CNTNAP5: variants seen among roughly 807,000 people sequenced by gnomAD.
CNTNAP5 encodes the protein contactin-associated protein-like 5.
CNTNAP5 carries 72 observed loss-of-function variants against 150.2 expected under a neutral mutation model. The ratio of observed to expected loss-of-function variants is 0.48; its 90% CI spans 0.40 to 0.58. The LOEUF is 0.58. Among genes scored for constraint, CNTNAP5 ranks in the 20% least tolerant of loss-of-function variants. The probability of loss-of-function intolerance (pLI) is 0.00; values close to 1 mark genes in which losing one functional copy is unlikely to be tolerated. For synonymous variants in CNTNAP5, 672 were observed against 619.8 expected (o/e 1.08, Z -1.25); for missense variants, 1,636 against 1,626.2 (o/e 1.01, Z -0.10).
At chr2:124,765,895 G>A (rs77025257) in intron 16 of CNTNAP5, among the ~76,000 whole-genome samples, 1 of 151,924 alleles carries the variant, frequency 6.6e-6, no homozygotes, top group Non-Finnish European at 1.5e-5. Context: ...GGCAGAGGTT[G>A]CAGTAAGCCA....
intron 4 of CNTNAP5, among the ~76,000 whole-genome samples, chr2:124,429,206 A>G (rs1692311062): frequency 6.6e-6 from 1 of 152,152 alleles, no homozygotes; most frequent in South Asian, 2.1e-4. Flanking sequence ...TTTCCAAGTG[A>G]AGTTGGGAGT....
intron 10 of CNTNAP5, among the ~76,000 whole-genome samples, chr2:124,536,769 G>A (rs1003571539): frequency 6.6e-6 from 1 of 152,062 alleles, no homozygotes; most frequent in Non-Finnish European, 1.5e-5. Context: ...TTGGATTTAC[G>A]GGGGTCAAGG....
intron 13 of CNTNAP5, among the ~76,000 whole-genome samples, chr2:124,674,577 T>C (rs1444094338): frequency 1.3e-5 from 2 of 149,722 alleles, no homozygotes; most frequent in Admixed American, 6.7e-5. Context: ...CTTTCTTTCT[T>C]TTCATCTCCT....
intron 19 of CNTNAP5, among the ~76,000 whole-genome samples, chr2:124,851,621 C>A (rs1250901603): frequency 6.6e-6 from 1 of 152,054 alleles, no homozygotes; most frequent in South Asian, 2.1e-4. Context: ...GGGGGCGGGA[C>A]TTTGTGGTTC....
At chr2:124,612,275 TG>T (rs1437704566) in intron 12 of CNTNAP5, among the ~76,000 whole-genome samples, 2 of 152,168 alleles carry the variant, frequency 1.3e-5, no homozygotes, top group Admixed American at 1.3e-4. Context: ...TGTGTGTTTT[TG>T]CTATGAATGT....
intron 1 of CNTNAP5, among the ~76,000 whole-genome samples, chr2:124,112,566 T>C (rs1344680818): frequency 6.6e-6 from 1 of 152,212 alleles, no homozygotes; most frequent in Non-Finnish European, 1.5e-5. Context: ...TTTTAATCTT[T>C]ATAAAATTTT....
In CNTNAP5 at chr2:124,665,275, T is replaced by A. The variant is rs1004116108; in HGVS notation, c.2077+17317T>A. On this transcript the variant is annotated intron_variant, in intron 13 of 23. Coordinates refer to ENST00000682447, the MANE Select transcript of CNTNAP5 (RefSeq NM_001367498.1). Reference sequence around the variant, plus strand: ...AATCCATCAGACCTCTGAAGTACTATGAACTATTTTTAAATTTGTAACTCT... The same window carrying A: ...AATCCATCAGACCTCTGAAGTACTAAGAACTATTTTTAAATTTGTAACTCT... Among the ~76,000 whole-genome samples the A allele has an allele frequency of 5.3e-5, 8 of 152,218 alleles. No individual in the cohort carries two copies. In the East Asian group the frequency reaches 1.5e-3, roughly 29 times the overall value.
intron 1 of CNTNAP5, among the ~76,000 whole-genome samples, chr2:124,178,475 A>C (rs1391195003): frequency 6.6e-6 from 1 of 152,220 alleles, no homozygotes; most frequent in Non-Finnish European, 1.5e-5. Context: ...AACCAACCTG[A>C]TCAAAATTTG....
intron 1 of CNTNAP5, among the ~76,000 whole-genome samples, chr2:124,097,320 T>C (rs1030148861): frequency 2.6e-5 from 4 of 152,182 alleles, no homozygotes; most frequent in African/African-American, 9.6e-5. Context: ...ACTGTCACAC[T>C]ATCCTACCCC....
intron 10 of CNTNAP5, among the ~76,000 whole-genome samples, chr2:124,538,803 G>C (rs1398760529): frequency 6.6e-6 from 1 of 152,166 alleles, no homozygotes; most frequent in Non-Finnish European, 1.5e-5. Flanking sequence ...ATGTGAAGCA[G>C]AGAACATTCA....
chr2:124,327,314 A>C (rs1406390779), intron 3 of CNTNAP5, among the ~76,000 whole-genome samples: 1 of 152,030 alleles, frequency 6.6e-6, no homozygotes, highest in Non-Finnish European at 1.5e-5. Context: ...AAAACTAAAA[A>C]ACTGAAAAGA....
rs976360957 is a variant in CNTNAP5, at chr2:124,208,285, A to G, written c.83-13420A>G. On this transcript the variant is annotated intron_variant, in intron 1 of 23. Coordinates refer to ENST00000682447, the MANE Select transcript of CNTNAP5 (RefSeq NM_001367498.1). The stretch of plus-strand genomic sequence containing the variant: ...CTGACATGCAAACTTTCTCCAGTGT[A>G]CAGTTTTAACAAATGGCACACCACA... 6.6e-5 allele frequency among the ~76,000 whole-genome samples: 10 copies of G among 152,320 alleles called. No homozygotes were observed. The East Asian group carries it at 1.5e-3, about 24-fold the overall frequency.
intron 1 of CNTNAP5, among the ~76,000 whole-genome samples, chr2:124,049,482 C>G (rs573965082): frequency 6.6e-6 from 1 of 152,184 alleles, no homozygotes; most frequent in South Asian, 2.1e-4. Flanking sequence ...GTATACAGAA[C>G]TATATTTTTT....
chr2:124,089,992 A>C (rs1682777228), intron 1 of CNTNAP5, among the ~76,000 whole-genome samples: 1 of 152,222 alleles, frequency 6.6e-6, no homozygotes, highest in South Asian at 2.1e-4. Context: ...TCTTTCCCCC[A>C]CGGAGTGGGA....
At chr2:124,179,004 G>A (rs1685137475) in intron 1 of CNTNAP5, among the ~76,000 whole-genome samples, 1 of 151,338 alleles carries the variant, frequency 6.6e-6, no homozygotes, top group Admixed American at 6.6e-5. Context: ...CCAGGCTGGA[G>A]TGCATTGCAT....
intron 1 of CNTNAP5, among the ~76,000 whole-genome samples, chr2:124,074,105 A>G (rs575764212): frequency 6.6e-6 from 1 of 152,262 alleles, no homozygotes; most frequent in East Asian, 1.9e-4. Flanking sequence ...CAGACTTTGC[A>G]TATTTTCACT....
intron 6 of CNTNAP5, among the ~76,000 whole-genome samples, chr2:124,467,918 T>G (rs1281223217): frequency 6.6e-6 from 1 of 152,172 alleles, no homozygotes; most frequent in Non-Finnish European, 1.5e-5. Flanking sequence ...TTAATGATTA[T>G]TTAAAAAGTA....
rs796401662 is a variant in CNTNAP5, at chr2:124,833,821, T to C, written c.3218-31485T>C. Among the ~76,000 whole-genome samples, 14 of 152,258 alleles carry C rather than the reference T, an allele frequency of 9.2e-5. 1 individual carries two copies. Among genetic ancestry groups the C allele is most frequent in the African/African-American group, 3.1e-4 (13 of 41,572 alleles). On this transcript the variant is annotated intron_variant, in intron 19 of 23. Coordinates refer to ENST00000682447, the MANE Select transcript of CNTNAP5 (RefSeq NM_001367498.1). The stretch of plus-strand genomic sequence containing the variant: ...CTTATGTGTAGGAAAAGGCAAGAGC[T>C]AAGGTCATTCATATTTTAAGGAATA...
chr2:124,455,933 C>T (rs1297686653), intron 6 of CNTNAP5, among the ~76,000 whole-genome samples: 1 of 152,140 alleles, frequency 6.6e-6, no homozygotes, highest in Non-Finnish European at 1.5e-5. Flanking sequence ...TAAAAGCCAT[C>T]TGTGACAAGC....
Sources: gnomAD v4.1 joint callset for allele counts (sites outside exome capture counted in the v4.1 genomes callset) on GRCh38, gnomAD v4.1.1 for gene constraint, MANE v1.5 for transcripts, NCBI Gene and HGNC (gene_info 2026-07-23, HGNC 2026-07-21) for gene names.